Variants in CTNNA3 observed in about 807,000 individuals in gnomAD.
The protein encoded by CTNNA3 is catenin alpha 3.
A neutral mutation model predicts 95.7 loss-of-function variants in CTNNA3; 76 were observed. The ratio of observed to expected loss-of-function variants is 0.79; its 90% CI spans 0.66 to 0.96. The LOEUF is 0.96. CTNNA3 is among the 40% of genes least tolerant of loss of function. The pLI is 0.00. For synonymous variants in CTNNA3, 431 were observed against 374.4 expected (o/e 1.15, Z -1.74); for missense variants, 1,191 against 1,089.8 (o/e 1.09, Z -1.31).
chr10:67,402,516 C>G (rs1264603636), intron 5 of CTNNA3, among the ~76,000 whole-genome samples: 1 of 152,164 alleles, frequency 6.6e-6, no homozygotes, highest in Non-Finnish European at 1.5e-5. Flanking sequence ...GCACCTTCAA[C>G]TGAAATATCC....
intron 7 of CTNNA3, among the ~76,000 whole-genome samples, chr10:67,172,940 A>T (rs754719207): frequency 5.3e-4 from 80 of 151,226 alleles, no homozygotes; most frequent in Middle Eastern, 6.9e-3. Context: ...ATGTTACTGC[A>T]CTCCAGCCTA....
At chr10:66,405,426 C>A (rs1465100529) in intron 11 of CTNNA3, among the ~76,000 whole-genome samples, 2 of 152,084 alleles carry the variant, frequency 1.3e-5, no homozygotes, top group Admixed American at 6.5e-5. Context: ...GAATAGAGTG[C>A]TAAATGATTG....
chr10:67,751,358 A>G (rs993992027), intron 1 of CTNNA3: 9 of 629,848 alleles, frequency 1.4e-5, no homozygotes, highest in Admixed American at 1.3e-4. Context: ...GTTGCAGGCC[A>G]GAATCAAGGT....
chr10:66,255,690 T>C (rs537653396), intron 13 of CTNNA3, among the ~76,000 whole-genome samples: 2 of 152,190 alleles, frequency 1.3e-5, no homozygotes, highest in Non-Finnish European at 2.9e-5. Context: ...AGGAGTTACA[T>C]AAGCCACTAG....
rs945660869 is a variant in CTNNA3 at position 67,740,627 on chromosome 10, T to C, written c.-2+22807A>G. Among the ~76,000 whole-genome samples, 2 of 151,326 alleles carry C rather than the reference T, an allele frequency of 1.3e-5. 1 individual carries two copies. Among genetic ancestry groups the C allele is most frequent in the African/African-American group, 4.8e-5 (2 of 41,316 alleles). On this transcript the variant is annotated intron_variant, in intron 1 of 17. Transcript: ENST00000684154. ...CAATGAGATATCATCTCACACCAGTTAGAATGGCAGTCATTAAAAAGTCAG... is the reference window on the plus strand; with the variant it reads ...CAATGAGATATCATCTCACACCAGTCAGAATGGCAGTCATTAAAAAGTCAG...
At chr10:66,192,704 C>T (rs1347729421) in intron 13 of CTNNA3, among the ~76,000 whole-genome samples, 1 of 152,126 alleles carries the variant, frequency 6.6e-6, no homozygotes, top group Non-Finnish European at 1.5e-5. Flanking sequence ...GGATAACACT[C>T]TTTCTTCTAC....
At chr10:67,069,079 T>A (rs1400580592) in intron 7 of CTNNA3, among the ~76,000 whole-genome samples, 2 of 151,450 alleles carry the variant, frequency 1.3e-5, no homozygotes, top group South Asian at 2.1e-4. Flanking sequence ...AAAATATATA[T>A]GAAAGAAACA....
intron 5 of CTNNA3, among the ~76,000 whole-genome samples, chr10:67,267,598 C>T (rs776704715): frequency 8.7e-4 from 132 of 152,194 alleles, no homozygotes; most frequent in Middle Eastern, 6.8e-3. Context: ...GATCTTCTGA[C>T]CTCGTGATCC....
intron 13 of CTNNA3, among the ~76,000 whole-genome samples, chr10:66,279,287 A>G (rs547416659): frequency 6.6e-6 from 1 of 152,090 alleles, no homozygotes; most frequent in East Asian, 1.9e-4. Flanking sequence ...CTGATGCTCC[A>G]CTCATATATT....
intron 7 of CTNNA3, among the ~76,000 whole-genome samples, chr10:66,984,447 G>T (rs1309273273): frequency 1.3e-5 from 2 of 152,140 alleles, no homozygotes; most frequent in South Asian, 2.1e-4. Context: ...ATGTAAATAT[G>T]AGAGAAAGAG....
At chr10:67,722,902 A>G (rs1841187735) in intron 1 of CTNNA3, among the ~76,000 whole-genome samples, 1 of 152,072 alleles carries the variant, frequency 6.6e-6, no homozygotes, top group African/African-American at 2.4e-5. Context: ...TGGATTTCTT[A>G]TGATAAAGAA....
intron 11 of CTNNA3, among the ~76,000 whole-genome samples, chr10:66,456,535 G>A (rs2093496280): frequency 6.6e-6 from 1 of 151,936 alleles, no homozygotes; most frequent in Non-Finnish European, 1.5e-5. Flanking sequence ...AATTAGCTGG[G>A]CATAGTGGCA....
chr10:67,558,240 C>T (rs1841330024), intron 3 of CTNNA3, among the ~76,000 whole-genome samples: 1 of 152,154 alleles, frequency 6.6e-6, no homozygotes, highest in African/African-American at 2.4e-5. Context: ...AGTATGGTCC[C>T]TCCCAAATAT....
intron 7 of CTNNA3, among the ~76,000 whole-genome samples, chr10:67,062,187 G>A (rs1205710923): frequency 3.5e-5 from 4 of 114,218 alleles, no homozygotes; most frequent in Non-Finnish European, 7.4e-5. Context: ...AGATAAGAAC[G>A]TTAAAACCCA....
chr10:66,863,484 A>C (rs1844038784), intron 7 of CTNNA3, among the ~76,000 whole-genome samples: 1 of 152,096 alleles, frequency 6.6e-6, no homozygotes, highest in African/African-American at 2.4e-5. Flanking sequence ...AGTGAAAATT[A>C]GTGAAAGTCC....
chr10:66,013,588 G>A (rs572304523), intron 15 of CTNNA3, among the ~76,000 whole-genome samples: 57 of 152,228 alleles, frequency 3.7e-4, no homozygotes, highest in African/African-American at 1.3e-3. Flanking sequence ...TTCTGCAAGA[G>A]GCTTTGATGT....
chr10:67,163,757 C>A (rs1589811928), intron 7 of CTNNA3, among the ~76,000 whole-genome samples: 2 of 151,982 alleles, frequency 1.3e-5, no homozygotes, highest in East Asian at 3.9e-4. Flanking sequence ...ACAATAATAA[C>A]AATTCCTGAA....
At chr10:66,296,210 A>G (rs2091774429) in intron 12 of CTNNA3, among the ~76,000 whole-genome samples, 1 of 152,120 alleles carries the variant, frequency 6.6e-6, no homozygotes, top group Non-Finnish European at 1.5e-5. Flanking sequence ...CAGATTTTTA[A>G]AGATTTATAG....
intron 5 of CTNNA3, among the ~76,000 whole-genome samples, chr10:67,393,680 A>T (rs996916475): frequency 2.0e-5 from 3 of 152,168 alleles, no homozygotes; most frequent in Non-Finnish European, 4.4e-5. Context: ...TGCAATAATG[A>T]TTGCATTGAA....
Sources: allele counts gnomAD v4.1 joint callset (sites outside exome capture counted in the v4.1 genomes callset), GRCh38; gene constraint gnomAD v4.1.1; transcripts MANE v1.5; gene names NCBI Gene and HGNC (gene_info 2026-07-23, HGNC 2026-07-21).